TC2N: variants seen among roughly 807,000 people sequenced by gnomAD.
TC2N encodes tandem C2 domains nuclear protein.
Under a neutral mutation model 61.9 loss-of-function variants are expected in TC2N, and 51 were observed. The ratio of observed to expected loss-of-function variants is 0.82; its 90% CI spans 0.66 to 1.04. The LOEUF is 1.04. Ranked by LOEUF, TC2N falls within the 50% of genes least tolerant of loss-of-function variation. TC2N has a pLI of 0.00. For missense variants in TC2N, 556 were observed against 566.7 expected, an observed-to-expected ratio of 0.98 and a Z score of 0.19; for synonymous variants, 204 against 192.6, an observed-to-expected ratio of 1.06 and a Z score of -0.49.
intron 1 of TC2N, among the ~76,000 whole-genome samples, chr14:91,854,941 T>A (rs557333746): frequency 6.6e-6 from 1 of 152,312 alleles, no homozygotes; most frequent in African/African-American, 2.4e-5. Flanking sequence ...GAGGCTGCTA[T>A]TCCTTGCAAC....
Position 91,797,858 on chromosome 14 carries a change from G to C in TC2N, c.782C>G (p.Thr261Ser), listed in dbSNP as rs139681768. 9.5e-5 allele frequency: 153 copies of C among 1,609,978 alleles called. No individual in the cohort carries two copies. Among genetic ancestry groups the C allele is most frequent in the Non-Finnish European group, 1.2e-4 (141 of 1,177,784 alleles). ...SWPSSYGDTPTVSIKGILTLP... is the reference protein window; with the variant it reads ...SWPSSYGDTPSVSIKGILTLP... ...TGTAAGTATTCCTTTTATAGAAACA[G>C]TAGGAGTGTCTCCATAACTAGAGGG... The change falls in exon 8 of 12, where the codon ACT (threonine) becomes AGT (serine). Residue 261 changes from threonine (T) to serine (S), a missense_variant. Transcript: ENST00000435962.
chr14:91,844,053 G>GAAA (rs33944224), intron 1 of TC2N, among the ~76,000 whole-genome samples: 3 of 150,746 alleles, frequency 2.0e-5, no homozygotes, highest in Admixed American at 2.0e-4. Flanking sequence ...CAGAAGAAAG[G>GAAA]AAAAAAAAAT....
chr14:91,858,208 G>A (rs1471205615), intron 1 of TC2N, among the ~76,000 whole-genome samples: 3 of 142,352 alleles, frequency 2.1e-5, no homozygotes, highest in Non-Finnish European at 3.0e-5. Flanking sequence ...TCCTAGGCTG[G>A]TCTCAAACCC....
At chr14:91,814,611 AAG>A (rs1886930030) in intron 1 of TC2N, among the ~76,000 whole-genome samples, 1 of 151,586 alleles carries the variant, frequency 6.6e-6, no homozygotes, top group South Asian at 2.1e-4. Flanking sequence ...TGTAAAAGAA[AAG>A]AGATGAAAAG....
At chr14:91,820,149 C>T (rs928009720) in intron 1 of TC2N, among the ~76,000 whole-genome samples, 8 of 151,958 alleles carry the variant, frequency 5.3e-5, no homozygotes, top group Admixed American at 4.6e-4. Flanking sequence ...ATGCTGCCTA[C>T]AAGAAACATT....
At chr14:91,802,896 A>G (rs1213756669) in intron 3 of TC2N, among the ~76,000 whole-genome samples, 2 of 152,170 alleles carry the variant, frequency 1.3e-5, no homozygotes, top group Non-Finnish European at 2.9e-5. Flanking sequence ...TGGAAATCAA[A>G]TAGCAAAAAT....
Position 91,798,976 on chromosome 14 carries a change from C to A in TC2N, c.637+13G>T, listed in dbSNP as rs1485887726. ...ATCTTAAGAGTATAAAAGTAGGATA[C>A]TTTATTCCTTACCCAGGCTTCTGTT... On this transcript the variant is annotated intron_variant, in intron 6 of 11. Transcript: ENST00000435962. The A allele has an allele frequency of 6.4e-7, 1 of 1,565,686 alleles. No individual in the cohort carries two copies. Among genetic ancestry groups the A allele is most frequent in the Admixed American group, 1.7e-5 (1 of 57,986 alleles).
At chr14:91,809,091 T>C (rs1438704580) in intron 3 of TC2N, among the ~76,000 whole-genome samples, 2 of 152,176 alleles carry the variant, frequency 1.3e-5, no homozygotes, top group Non-Finnish European at 2.9e-5. Context: ...GGCCAGGCAC[T>C]AGGTTCATCT....
intron 1 of TC2N, chr14:91,836,610 C>G (rs1474678348): frequency 7.0e-6 from 1 of 143,734 alleles, no homozygotes; most frequent in Admixed American, 6.8e-5. Context: ...CGAGGCAAGG[C>G]GGGGAGGGGC....
chr14:91,836,636 A>AGGGCG (rs1234819037), intron 1 of TC2N: 4 of 16,506 alleles, frequency 2.4e-4, no homozygotes, highest in Admixed American at 8.4e-4. Context: ...AGGGCGGGGC[A>AGGGCG]GGGCGGGGAG....
At chr14:91,832,705 G>A in intron 1 of TC2N, among the ~76,000 whole-genome samples, 1 of 152,004 alleles carries the variant, frequency 6.6e-6, no homozygotes, top group Non-Finnish European at 1.5e-5. Context: ...CAGCAAAACT[G>A]AAGGTTTTTA....
chr14:91,823,553 T>G (rs1033579013), intron 1 of TC2N, among the ~76,000 whole-genome samples: 24 of 151,714 alleles, frequency 1.6e-4, no homozygotes, highest in Non-Finnish European at 3.1e-4. Context: ...GAAATCATTT[T>G]ATCAAAGTCC....
chr14:91,850,335 A>ATTGTTTGT (rs1247292459), intron 1 of TC2N, among the ~76,000 whole-genome samples: 7 of 152,188 alleles, frequency 4.6e-5, no homozygotes, highest in African/African-American at 1.7e-4. Flanking sequence ...GTACATACTG[A>ATTGTTTGT]ACAAATATTT....
chr14:91,808,946 G>A (rs555385098), intron 3 of TC2N, among the ~76,000 whole-genome samples: 3 of 152,158 alleles, frequency 2.0e-5, no homozygotes, highest in African/African-American at 4.8e-5. Context: ...TTACAAGGCT[G>A]CATGGTTTAA....
At chr14:91,850,414 T>A (rs1888351999) in intron 1 of TC2N, among the ~76,000 whole-genome samples, 1 of 152,086 alleles carries the variant, frequency 6.6e-6, no homozygotes, top group Admixed American at 6.5e-5. Context: ...AGGCCACGGA[T>A]CAGTACCAGC....
chr14:91,809,948 T>C (rs555299192), intron 3 of TC2N, among the ~76,000 whole-genome samples: 27 of 152,244 alleles, frequency 1.8e-4, no homozygotes, highest in African/African-American at 5.8e-4. Context: ...TGTTAGTCTG[T>C]TTGTGCCACT....
At chr14:91,805,027 G>A (rs987384821) in intron 3 of TC2N, among the ~76,000 whole-genome samples, 4 of 152,106 alleles carry the variant, frequency 2.6e-5, no homozygotes, top group African/African-American at 9.7e-5. Context: ...ATAATATGTA[G>A]ACATAAAGCT....
intron 3 of TC2N, among the ~76,000 whole-genome samples, chr14:91,804,007 A>C (rs925303932): frequency 2.0e-5 from 3 of 152,192 alleles, no homozygotes; most frequent in African/African-American, 7.2e-5. Flanking sequence ...GAACACCTAC[A>C]AATCATAAGA....
rs753436538 is a variant in TC2N at position 91,785,328 on chromosome 14, C to T, written c.1196G>A (p.Gly399Glu). 6.2e-7 allele frequency: 1 copy of T among 1,613,682 alleles called. No homozygotes were observed. Among genetic ancestry groups the T allele is most frequent in the East Asian group, 2.2e-5 (1 of 44,826 alleles). The part of the protein sequence containing the change: ...FFVKVGMFSS[G>E]ELIYKKKTRL... ...TGTCTTTTTCTTATAAATCAACTCTCCCGAGCTAAACATTCCCACCTTCAC... is the reference window on the plus strand; with the variant it reads ...TGTCTTTTTCTTATAAATCAACTCTTCCGAGCTAAACATTCCCACCTTCAC... Residue 399 changes from glycine (G) to glutamate (E), a missense_variant, in exon 11 of 12, where the codon GGA (glycine) becomes GAA (glutamate). Coordinates refer to ENST00000435962, the MANE Select transcript of TC2N (RefSeq NM_001128596.3).
Sources: gnomAD v4.1 joint callset for allele counts (sites outside exome capture counted in the v4.1 genomes callset) on GRCh38, gnomAD v4.1.1 for gene constraint, MANE v1.5 for transcripts, NCBI Gene and HGNC (gene_info 2026-07-23, HGNC 2026-07-21) for gene names.